The following ABHD17B variants were observed in gnomAD, a reference collection of about 807,000 sequenced individuals.
ABHD17B encodes the protein alpha/beta hydrolase domain-containing protein 17B.
ABHD17B carries 9 observed loss-of-function variants against 26.2 expected under a neutral mutation model. The ratio of observed to expected loss-of-function variants is 0.34; its 90% CI spans 0.21 to 0.60. The LOEUF (loss-of-function observed/expected upper bound fraction) is 0.60. ABHD17B is among the 20% of genes least tolerant of loss of function. The pLI, the probability that ABHD17B is intolerant of heterozygous loss-of-function variation, is 0.80. For synonymous variants in ABHD17B, 127 were observed against 122.3 expected, an observed-to-expected ratio of 1.04 and a Z score of -0.25; for missense variants, 224 against 352.1, an observed-to-expected ratio of 0.64 and a Z score of 2.91.
chr9:71,866,847 A>C lies in ABHD17B; in HGVS notation c.807T>G (p.Leu269=), dbSNP rs1564058570. 6.2e-7 allele frequency: 1 copy of C among 1,614,144 alleles called. No homozygotes were observed. The stretch of plus-strand genomic sequence containing the variant: ...TCAACCTTTCAAGATACTGTCCATA[A>C]AGTTCCACATCATTGTGACCTGCTC... ...VEGAGHNDVE[L]YGQYLERLKQ... Residue 269 remains leucine (L), a synonymous_variant, in exon 4 of 4, where the codon CTT becomes CTG. Transcript: ENST00000333421.
At chr9:71,863,506 G>A (rs1013660119), downstream of ABHD17B, among the ~76,000 whole-genome samples, 1 of 152,088 alleles carries the variant, frequency 6.6e-6, no homozygotes, top group African/African-American at 2.4e-5. Context: ...GAGTAAGTAG[G>A]GGAAATCAAA....
chr9:71,881,700 C>T (rs558449692), intron 1 of ABHD17B, among the ~76,000 whole-genome samples: 1 of 152,136 alleles, frequency 6.6e-6, no homozygotes, highest in Non-Finnish European at 1.5e-5. Context: ...ATCCTGCTAA[C>T]ATGGTGAAAC....
chr9:71,889,312 G>A (rs886789192), intron 1 of ABHD17B, among the ~76,000 whole-genome samples: 28 of 61,998 alleles, frequency 4.5e-4, no homozygotes, highest in Non-Finnish European at 7.5e-4. Flanking sequence ...GCGAGACTCC[G>A]TCTAAAGAAA....
chr9:71,885,852 G>C (rs188906911), intron 1 of ABHD17B, among the ~76,000 whole-genome samples: 1 of 152,196 alleles, frequency 6.6e-6, no homozygotes, highest in African/African-American at 2.4e-5. Context: ...TAGTTTCTTG[G>C]TAATGCAGAC....
intron 1 of ABHD17B, among the ~76,000 whole-genome samples, chr9:71,898,021 T>C (rs1380863406): frequency 2.6e-5 from 4 of 152,066 alleles, no homozygotes; most frequent in African/African-American, 9.7e-5. Context: ...TAAGAAGAAA[T>C]GGAATAAAGA....
In ABHD17B at chr9:71,865,545, C is replaced by A; in HGVS notation, c.*1242G>T. 1 of 985,122 alleles carries A rather than the reference C, an allele frequency of 1.0e-6. No homozygotes were observed. Among genetic ancestry groups the A allele is most frequent in the African/African-American group, 1.7e-5 (1 of 57,252 alleles). The allele number at this position is 985,122 out of a possible 1,614,324, so 61.0% of individuals were successfully genotyped here. On this transcript the variant is annotated 3_prime_UTR_variant, in exon 4 of 4. Transcript: ENST00000333421. The stretch of plus-strand genomic sequence containing the variant: ...ATCCATGAAATTCTCAGATAGTAAT[C>A]CAAAACAATAGGTCCTATTTTTAAA...
chr9:71,866,857 TC>T lies in ABHD17B; in HGVS notation c.796del (p.Asp266MetfsTer12). 6.2e-7 allele frequency: 1 copy of T among 1,614,188 alleles called. No homozygotes were observed. Among genetic ancestry groups the T allele is most frequent in the Non-Finnish European group, 8.5e-7 (1 of 1,180,030 alleles). Reference protein sequence around the residue: ...PLWVEGAGHNDVELYGQYLER... With the variant: ...PLWVEGAGHNXVELYGQYLER... ...AAGATACTGTCCATAAAGTTCCACATCATTGTGACCTGCTCCTTCAACCCAG... is the reference window on the plus strand; with the variant it reads ...AAGATACTGTCCATAAAGTTCCACATATTGTGACCTGCTCCTTCAACCCAG... On this transcript the variant is annotated frameshift_variant, in exon 4 of 4. Coordinates refer to ENST00000333421, the MANE Select transcript of ABHD17B (RefSeq NM_001025780.3). LOFTEE classifies it high-confidence loss of function.
chr9:71,897,948 A>C (rs76249417), intron 1 of ABHD17B, among the ~76,000 whole-genome samples: 5 of 152,358 alleles, frequency 3.3e-5, no homozygotes, highest in African/African-American at 7.2e-5. Context: ...AAAAGTTTAC[A>C]TTTCACCACC....
intron 3 of ABHD17B, 106 bp downstream of exon 3, chr9:71,869,977 T>C: frequency 2.9e-6 from 3 of 1,033,060 alleles, no homozygotes; most frequent in South Asian, 1.7e-5. Flanking sequence ...TGCTAATATA[T>C]ATAAAATGAA....
At chr9:71,903,196 T>C (rs1827192428) in intron 1 of ABHD17B, among the ~76,000 whole-genome samples, 1 of 152,188 alleles carries the variant, frequency 6.6e-6, no homozygotes, top group South Asian at 2.1e-4. Flanking sequence ...CCTTTTTTTT[T>C]TCACTGATAG....
intron 1 of ABHD17B, among the ~76,000 whole-genome samples, chr9:71,896,110 C>T (rs1309637866): frequency 5.9e-5 from 9 of 152,162 alleles, no homozygotes; most frequent in Non-Finnish European, 1.3e-4. Flanking sequence ...TTGCACCTAT[C>T]TCATCTGTGG....
intron 1 of ABHD17B, among the ~76,000 whole-genome samples, chr9:71,903,879 A>G (rs1827211850): frequency 6.6e-6 from 1 of 152,336 alleles, no homozygotes; most frequent in Admixed American, 6.5e-5. Flanking sequence ...TTCACTTGTT[A>G]TATCTTTTAA....
In ABHD17B at chr9:71,870,105, A is replaced by G; in HGVS notation, c.625T>C (p.Tyr209His). The change falls in exon 3 of 4, where the codon TAC becomes CAC. Residue 209 changes from tyrosine to histidine, a missense_variant. Tyr to His is a moderately conservative substitution (Grantham distance 83, BLOSUM62 2). Transcript: ENST00000333421. Reference protein sequence around the residue: ...RVAFPDTKKTYCFDAFPNIDK... With the variant: ...RVAFPDTKKTHCFDAFPNIDK... The stretch of plus-strand genomic sequence containing the variant: ...TACTTTGGGAATGCATCAAAACAGT[A>G]GGTCTTCTTGGTATCAGGAAAGGCA... 1.9e-6 allele frequency: 3 copies of G among 1,610,988 alleles called. No individual in the cohort carries two copies. In the South Asian group the frequency reaches 3.3e-5, roughly 18 times the overall value.
chr9:71,877,568 C>T (rs535112903), intron 1 of ABHD17B, among the ~76,000 whole-genome samples: 4 of 152,330 alleles, frequency 2.6e-5, no homozygotes, highest in African/African-American at 7.2e-5. Context: ...CAGGCACACA[C>T]CACCATGCCC....
chr9:71,906,225 T>C (rs549273339), intron 1 of ABHD17B, among the ~76,000 whole-genome samples: 3 of 152,346 alleles, frequency 2.0e-5, no homozygotes, highest in Non-Finnish European at 2.9e-5. Flanking sequence ...AGTTTTAACA[T>C]AGATGATTTG....
intron 1 of ABHD17B, among the ~76,000 whole-genome samples, chr9:71,888,490 A>G (rs1354830700): frequency 6.6e-6 from 1 of 152,244 alleles, no homozygotes; most frequent in Non-Finnish European, 1.5e-5. Context: ...GAAACTTTTC[A>G]GGTGAGTACC....
chr9:71,872,081 T>C (rs979712453), intron 2 of ABHD17B, among the ~76,000 whole-genome samples: 3 of 152,216 alleles, frequency 2.0e-5, no homozygotes, highest in African/African-American at 4.8e-5. Flanking sequence ...GTATTCTAAT[T>C]ACACACATTT....
At position 71,903,000 on chromosome 9, in the gene ABHD17B, G is replaced by A. The variant is rs145916222; in HGVS notation, c.-4+7634C>T. ...GACTTGGCTGCACCAAGTAAATGAA[G>A]TTATTTCAACCCCCTTTCTTCACTC... On this transcript the variant is annotated intron_variant, in intron 1 of 3. Coordinates refer to ENST00000333421, the MANE Select transcript of ABHD17B (RefSeq NM_001025780.3). Among the ~76,000 whole-genome samples, 232 of 152,238 alleles carry A rather than the reference G, an allele frequency of 1.5e-3. 1 individual carries two copies. Among genetic ancestry groups the A allele is most frequent in the Admixed American group, 3.9e-3 (59 of 15,292 alleles).
At position 71,866,427 on chromosome 9, in the gene ABHD17B, A is replaced by AAT. The variant is rs779152037; in HGVS notation, c.*358_*359dup. The AAT allele has an allele frequency of 1.8e-5, 18 of 992,610 alleles. No individual in the cohort carries two copies. In the East Asian group the frequency reaches 4.6e-4, roughly 25 times the overall value. 61.5% of individuals were successfully genotyped at this position (992,610 alleles called of 1,614,324 possible). A position where few individuals can be genotyped will look rare whatever the true frequency, so the allele number is the denominator to read the frequency against. On this transcript the variant is annotated 3_prime_UTR_variant, in exon 4 of 4. Coordinates refer to ENST00000333421, the MANE Select transcript of ABHD17B (RefSeq NM_001025780.3). ...ACAGTTGTATTCCAGGATAAGATTT[A>AAT]ATATATTGAGATGTTTTAAAAATAT...
Sources: gnomAD v4.1 joint callset for allele counts (sites outside exome capture counted in the v4.1 genomes callset) on GRCh38, gnomAD v4.1.1 for gene constraint, MANE v1.5 for transcripts, NCBI Gene and HGNC (gene_info 2026-07-23, HGNC 2026-07-21) for gene names.